The following PHRF1 variants were observed in gnomAD, a reference collection of about 807,000 sequenced individuals.
PHRF1 encodes the protein PHD and RING finger domain-containing protein 1.
A neutral mutation model predicts 128.9 loss-of-function variants in PHRF1; 53 were observed. The observed-to-expected ratio is 0.41, with a 90% CI of 0.33 to 0.52. The LOEUF (loss-of-function observed/expected upper bound fraction) is 0.52. Among genes scored for constraint, PHRF1 ranks in the 20% least tolerant of loss-of-function variants. The probability of loss-of-function intolerance (pLI) is 0.21; values close to 1 mark genes in which losing one functional copy is unlikely to be tolerated. For missense variants in PHRF1, 2,503 were observed against 2,284.5 expected (o/e 1.10, Z -1.95); for synonymous variants, 1,178 against 980.6 (o/e 1.20, Z -3.76).
intron 17 of PHRF1, 74 bp downstream of exon 17, chr11:611,156 A>G: frequency 6.3e-7 from 1 of 1,585,864 alleles, no homozygotes; most frequent in South Asian, 1.1e-5. Context: ...GTCAGCATGG[A>G]CTTTGGGGTG....
At chr11:580,617 C>A (rs1854147284) in intron 1 of PHRF1, among the ~76,000 whole-genome samples, 1 of 152,238 alleles carries the variant, frequency 6.6e-6, no homozygotes, top group South Asian at 2.1e-4. Context: ...TTGTGCCCAG[C>A]TGATAAAGCC....
At chr11:588,659 G>A (rs143356597) in intron 4 of PHRF1, among the ~76,000 whole-genome samples, 4,347 of 152,156 alleles carry the variant, frequency 0.029, 68 homozygotes, top group Middle Eastern at 0.048. Context: ...GATTACAGGC[G>A]TGAGCCACCA....
intron 10 of PHRF1, among the ~76,000 whole-genome samples, chr11:604,904 A>T (rs1855853452): frequency 6.6e-6 from 1 of 152,124 alleles, no homozygotes; most frequent in Non-Finnish European, 1.5e-5. Flanking sequence ...AATGCCCGAG[A>T]GCCTCTGGTA....
chr11:592,789 G>T, intron 6 of PHRF1, 115 bp downstream of exon 6: 1 of 1,146,558 alleles, frequency 8.7e-7, no homozygotes. Context: ...ACCTGGAGCT[G>T]TGCTCACCAC....
intron 13 of PHRF1, 23 bp downstream of exon 13, chr11:606,619 C>G (rs575574006): frequency 7.6e-6 from 12 of 1,579,340 alleles, no homozygotes; most frequent in South Asian, 1.1e-5. Context: ...CCTGCCACGG[C>G]CCCTTCCTCT....
intron 3 of PHRF1, among the ~76,000 whole-genome samples, chr11:586,736 C>G (rs769128951): frequency 2.6e-5 from 4 of 152,170 alleles, no homozygotes; most frequent in Non-Finnish European, 4.4e-5. Flanking sequence ...GTTAGTGGCC[C>G]AGTTAGGAGT....
intron 3 of PHRF1, among the ~76,000 whole-genome samples, chr11:586,510 C>T (rs1245649372): frequency 2.6e-5 from 4 of 152,188 alleles, no homozygotes; most frequent in South Asian, 2.1e-4. Context: ...TGGAGGGTTT[C>T]GGGCCTAGGA....
chr11:578,209 C>T (rs2134156165), intron 1 of PHRF1, among the ~76,000 whole-genome samples: 1 of 152,322 alleles, frequency 6.6e-6, no homozygotes, highest in South Asian at 2.1e-4. Context: ...GTGCCTGGTG[C>T]TTGTGCCAGA....
At position 608,769 on chromosome 11, in the gene PHRF1, G is replaced by A. The variant is rs1564868556; in HGVS notation, c.3313G>A (p.Glu1105Lys). 9 of 1,611,798 alleles carry A rather than the reference G, an allele frequency of 5.6e-6. No individual in the cohort carries two copies. Among genetic ancestry groups the A allele is most frequent in the Non-Finnish European group, 7.6e-6 (9 of 1,179,634 alleles). ...SPGSSSYEHY[E>K]SRKKKKRRSA... Reference sequence around the variant, plus strand: ...TGGCAGCTCTTCCTATGAGCACTATGAGAGTAGGAAGAAGAAGAAAAGGAG... The same window carrying A: ...TGGCAGCTCTTCCTATGAGCACTATAAGAGTAGGAAGAAGAAGAAAAGGAG... The change falls in exon 14 of 18, where the codon GAG (glutamate) becomes AAG (lysine). Residue 1105 changes from glutamate (E) to lysine (K), a missense_variant. Physicochemically the swap from Glu to Lys is moderately conservative, Grantham distance 56. Transcript: ENST00000264555.
chr11:601,772 C>G (rs1855642885), intron 10 of PHRF1, 71 bp downstream of exon 10: 6 of 1,587,302 alleles, frequency 3.8e-6, no homozygotes, highest in African/African-American at 2.7e-5. Flanking sequence ...GGAGCAGGGC[C>G]TAAGCCTCCC....
chr11:608,106 G>A lies in PHRF1; in HGVS notation c.2650G>A (p.Val884Met), dbSNP rs891962670. Residue 884 changes from valine to methionine, a missense_variant, in exon 14 of 18, where the codon GTG becomes ATG. Transcript: ENST00000264555. ...QAVRCVTSYTVESIFGTEPEP... is the reference protein window; with the variant it reads ...QAVRCVTSYTMESIFGTEPEP... ...TGTGCGCTGCGTCACCTCCTACACG[G>A]TGGAGAGCATCTTTGGTACAGAGCC... 9.3e-6 allele frequency: 15 copies of A among 1,611,736 alleles called. No individual in the cohort carries two copies. Among genetic ancestry groups the A allele is most frequent in the Non-Finnish European group, 1.2e-5 (14 of 1,179,878 alleles).
chr11:602,328 G>A (rs952453692), intron 10 of PHRF1, among the ~76,000 whole-genome samples: 3 of 152,144 alleles, frequency 2.0e-5, no homozygotes, highest in Non-Finnish European at 4.4e-5. Flanking sequence ...CTCAAACCGG[G>A]ACTAAATGTA....
intron 9 of PHRF1, among the ~76,000 whole-genome samples, chr11:599,759 G>C (rs1329169538): frequency 6.6e-6 from 1 of 151,798 alleles, no homozygotes; most frequent in African/African-American, 2.4e-5. Flanking sequence ...TGTGGGTCTG[G>C]TGCAGGGTCC....
At position 608,483 on chromosome 11, in the gene PHRF1, G is replaced by C; in HGVS notation, c.3027G>C (p.Arg1009Ser). The C allele has an allele frequency of 6.2e-7, 1 of 1,612,498 alleles. No homozygotes were observed. ...SRSRKKAKRKRVSREHGRTRS... is the reference protein window; with the variant it reads ...SRSRKKAKRKSVSREHGRTRS... ...GCAGGAAGAAGGCCAAGAGGAAGAG[G>C]GTGTCCAGGGAGCACGGACGGACGC... The change falls in exon 14 of 18, where the codon AGG (arginine) becomes AGC (serine). Residue 1009 changes from arginine (R) to serine (S), a missense_variant. Physicochemically the swap from Arg to Ser is moderately radical, Grantham distance 110. Transcript: ENST00000264555.
At chr11:586,894 G>C (rs1010401462) in intron 3 of PHRF1, among the ~76,000 whole-genome samples, 1 of 152,162 alleles carries the variant, frequency 6.6e-6, no homozygotes, top group Non-Finnish European at 1.5e-5. Context: ...TGAGGGGCTC[G>C]CTTGGAGGCT....
Position 589,554 on chromosome 11 carries a change from A to G in PHRF1, c.421-1830A>G, listed in dbSNP as rs150502157. On this transcript the variant is annotated intron_variant, in intron 4 of 17. Coordinates refer to ENST00000264555, the MANE Select transcript of PHRF1 (RefSeq NM_001286581.2). Reference sequence around the variant, plus strand: ...AGTCCCAGGGGTTTTGCAGGGGCTTAGAAGAGGCCTGGACACACTCGGGGG... The same window carrying G: ...AGTCCCAGGGGTTTTGCAGGGGCTTGGAAGAGGCCTGGACACACTCGGGGG... Among the ~76,000 whole-genome samples the G allele has an allele frequency of 2.5e-3, 337 of 134,896 alleles. 4 individuals are homozygous for G. The highest frequency in any genetic ancestry group is 8.3e-3 in the African/African-American group (320 of 38,476). 88.5% of individuals were successfully genotyped at this position (134,896 alleles called of 152,430 possible).
At chr11:604,363 G>A (rs1855821464) in intron 10 of PHRF1, among the ~76,000 whole-genome samples, 2 of 152,258 alleles carry the variant, frequency 1.3e-5, no homozygotes, top group South Asian at 4.1e-4. Context: ...TTCAGGCGAT[G>A]AAGTCCCAGC....
rs1413168676 is a variant in PHRF1 at position 611,102 on chromosome 11, G to C, written c.4806+20G>C. ...CAGAAGGTGGGCTGTGTGCGAGCCT[G>C]TGTGTGGGGCTCGGGGTCACGGGCG... On this transcript the variant is annotated intron_variant, in intron 17 of 17. Transcript: ENST00000264555. 6.2e-7 allele frequency: 1 copy of C among 1,611,960 alleles called. No individual in the cohort carries two copies. Among genetic ancestry groups the C allele is most frequent in the South Asian group, 1.1e-5 (1 of 90,916 alleles).
chr11:590,999 G>A (rs12795572), intron 4 of PHRF1, among the ~76,000 whole-genome samples: 36,201 of 152,086 alleles, frequency 0.24, 4,653 homozygotes, highest in African/African-American at 0.32. Flanking sequence ...CCCTGCTCCC[G>A]GCCTATGAAA....
Sources: gnomAD v4.1 joint callset for allele counts (sites outside exome capture counted in the v4.1 genomes callset) on GRCh38, gnomAD v4.1.1 for gene constraint, MANE v1.5 for transcripts, NCBI Gene and HGNC (gene_info 2026-07-23, HGNC 2026-07-21) for gene names.